Variants in GABBR2 observed in about 807,000 individuals in gnomAD.
GABBR2 encodes gamma-aminobutyric acid type B receptor subunit 2.
Under a neutral mutation model 105.6 loss-of-function variants are expected in GABBR2, and 23 were observed. The observed-to-expected ratio is 0.22, with a 90% CI of 0.16 to 0.31. GABBR2 has a LOEUF of 0.31. Ranked by LOEUF, GABBR2 falls within the 10% of genes least tolerant of loss-of-function variation. The pLI is 1.00. For missense variants in GABBR2, 734 were observed against 1,245.5 expected, an observed-to-expected ratio of 0.59 and a Z score of 6.18; for synonymous variants, 478 against 499.7, an observed-to-expected ratio of 0.96 and a Z score of 0.58.
At chr9:98,523,640 A>G (rs1291199196) in intron 3 of GABBR2, among the ~76,000 whole-genome samples, 1 of 152,210 alleles carries the variant, frequency 6.6e-6, no homozygotes, top group African/African-American at 2.4e-5. Context: ...TGAGGATGCT[A>G]GGAAGTGCAA....
intron 1 of GABBR2, among the ~76,000 whole-genome samples, chr9:98,652,505 G>C (rs895463319): frequency 6.6e-6 from 1 of 152,094 alleles, no homozygotes; most frequent in Non-Finnish European, 1.5e-5. Flanking sequence ...GTGGTTTTAG[G>C]TCTGTCCTCT....
chr9:98,450,948 T>C (rs1003786495), intron 7 of GABBR2, among the ~76,000 whole-genome samples: 2 of 152,216 alleles, frequency 1.3e-5, no homozygotes, highest in Admixed American at 6.5e-5. Flanking sequence ...TCTAGGATTG[T>C]GAAGGGTGGC....
intron 1 of GABBR2, among the ~76,000 whole-genome samples, chr9:98,596,710 C>T (rs911022758): frequency 5.9e-5 from 9 of 152,186 alleles, no homozygotes; most frequent in East Asian, 1.9e-4. Context: ...TAGACCCTGC[C>T]GCCCAGGGCT....
chr9:98,410,345 T>C (rs1832564534), intron 7 of GABBR2, among the ~76,000 whole-genome samples: 1 of 151,970 alleles, frequency 6.6e-6, no homozygotes. Context: ...AACTGTCTGG[T>C]GGCTCACAGT....
rs182607785 is a variant in GABBR2 at position 98,421,837 on chromosome 9, C to T, written c.1237-15696G>A. On this transcript the variant is annotated intron_variant, in intron 7 of 18. Coordinates refer to ENST00000259455, the MANE Select transcript of GABBR2 (RefSeq NM_005458.8). ...CAAAATCCATAAACAAGAGTGGATA[C>T]GTGACCAAGTAAAGGTTTAAATGAG... 3.7e-3 allele frequency among the ~76,000 whole-genome samples: 570 copies of T among 152,198 alleles called. 1 individual carries two copies. Among genetic ancestry groups the T allele is most frequent in the Non-Finnish European group, 5.7e-3 (387 of 68,004 alleles).
chr9:98,326,528 G>T (rs990768659), intron 13 of GABBR2, among the ~76,000 whole-genome samples: 1 of 152,204 alleles, frequency 6.6e-6, no homozygotes, highest in Non-Finnish European at 1.5e-5. Flanking sequence ...CTGGCCAATG[G>T]GCTGTGGGTG....
At chr9:98,631,624 C>T (rs1032160040) in intron 1 of GABBR2, among the ~76,000 whole-genome samples, 14 of 152,240 alleles carry the variant, frequency 9.2e-5, no homozygotes, top group Non-Finnish European at 1.8e-4. Context: ...TCAGTCCACT[C>T]TCAATTAGTT....
chr9:98,435,942 C>T (rs567591552), intron 7 of GABBR2, among the ~76,000 whole-genome samples: 8 of 152,160 alleles, frequency 5.3e-5, no homozygotes, highest in African/African-American at 1.9e-4. Context: ...AAGCACTTTT[C>T]ACCATTTATA....
intron 8 of GABBR2, among the ~76,000 whole-genome samples, chr9:98,400,025 A>AC: frequency 6.9e-6 from 1 of 144,846 alleles, no homozygotes; most frequent in African/African-American, 2.7e-5. Flanking sequence ...GAAAAAAAAA[A>AC]AAAAAAAAAC....
rs376973326 is a variant in GABBR2 at position 98,357,626 on chromosome 9, A to C, written c.1893+5089T>G. ...CATTGCACTCCAGTCTGGGTAACAG[A>C]GTGAGATCCTGTCTCAAAACAAAAC... On this transcript the variant is annotated intron_variant, in intron 13 of 18. Coordinates refer to ENST00000259455, the MANE Select transcript of GABBR2 (RefSeq NM_005458.8). Among the ~76,000 whole-genome samples the C allele has an allele frequency of 1.9e-3, 283 of 152,250 alleles. 3 individuals carry two copies. The highest frequency in any genetic ancestry group is 3.4e-3 in the Middle Eastern group (1 of 294).
intron 1 of GABBR2, among the ~76,000 whole-genome samples, chr9:98,580,442 T>C (rs1439761766): frequency 6.6e-6 from 1 of 152,182 alleles, no homozygotes; most frequent in African/African-American, 2.4e-5. Context: ...TTGTCATCGT[T>C]TTCACTGCTG....
At chr9:98,641,857 G>A (rs1420057320) in intron 1 of GABBR2, among the ~76,000 whole-genome samples, 2 of 152,154 alleles carry the variant, frequency 1.3e-5, no homozygotes, top group African/African-American at 4.8e-5. Flanking sequence ...AAGGAGAGAA[G>A]GCAGCACCAC....
intron 1 of GABBR2, among the ~76,000 whole-genome samples, chr9:98,649,773 G>A (rs945484182): frequency 1.3e-5 from 2 of 152,174 alleles, no homozygotes; most frequent in African/African-American, 4.8e-5. Flanking sequence ...CCAAAATAGT[G>A]TTGTTTCAAA....
intron 7 of GABBR2, among the ~76,000 whole-genome samples, chr9:98,418,127 C>A (rs901478589): frequency 6.6e-6 from 1 of 152,070 alleles, no homozygotes; most frequent in African/African-American, 2.4e-5. Context: ...GAGCTCTTTC[C>A]CTTTTGTGGA....
At chr9:98,328,397 T>C (rs1830962465) in intron 13 of GABBR2, among the ~76,000 whole-genome samples, 1 of 152,214 alleles carries the variant, frequency 6.6e-6, no homozygotes, top group African/African-American at 2.4e-5. Context: ...ATGATGATTG[T>C]GCGACTAATT....
chr9:98,694,776 CTA>C (rs1830727637), intron 1 of GABBR2, among the ~76,000 whole-genome samples: 1 of 152,288 alleles, frequency 6.6e-6, no homozygotes, highest in East Asian at 1.9e-4. Flanking sequence ...TATAATAACT[CTA>C]TGAAAAAGCA....
intron 1 of GABBR2, among the ~76,000 whole-genome samples, chr9:98,621,162 A>T (rs999770567): frequency 6.6e-6 from 1 of 152,214 alleles, no homozygotes; most frequent in Non-Finnish European, 1.5e-5. Context: ...ATGGCAGTCC[A>T]GGGAAGTGGG....
intron 1 of GABBR2, chr9:98,581,169 G>C (rs139984995): frequency 2.9e-4 from 45 of 152,622 alleles, no homozygotes; most frequent in African/African-American, 1.0e-3. Flanking sequence ...GATCCAGGCT[G>C]TGGGCACTGC....
At chr9:98,565,525 A>G (rs376663842) in intron 2 of GABBR2, among the ~76,000 whole-genome samples, 18 of 152,314 alleles carry the variant, frequency 1.2e-4, no homozygotes, top group African/African-American at 3.8e-4. Context: ...GGGGCCCACA[A>G]GGAGCAAGAG....
Sources: gnomAD v4.1 joint callset for allele counts (sites outside exome capture counted in the v4.1 genomes callset) on GRCh38, gnomAD v4.1.1 for gene constraint, MANE v1.5 for transcripts, NCBI Gene and HGNC (gene_info 2026-07-23, HGNC 2026-07-21) for gene names.